SAMHD1: variants seen among roughly 807,000 people sequenced by gnomAD.
SAMHD1 encodes deoxynucleoside triphosphate triphosphohydrolase SAMHD1.
Under a neutral mutation model 79.6 loss-of-function variants are expected in SAMHD1, and 54 were observed. That is an observed-to-expected ratio of 0.68 (90% CI 0.55 to 0.85). The LOEUF is 0.85. Among genes scored for constraint, SAMHD1 ranks in the 40% least tolerant of loss-of-function variants. SAMHD1 has a pLI of 0.00. For synonymous variants in SAMHD1, 260 were observed against 264.1 expected (o/e 0.98, Z 0.15); for missense variants, 663 against 782.7 (o/e 0.85, Z 1.82).
intron 11 of SAMHD1, among the ~76,000 whole-genome samples, chr20:36,905,772 A>G (rs944967630): frequency 6.6e-6 from 1 of 152,102 alleles, no homozygotes; most frequent in Non-Finnish European, 1.5e-5. Context: ...GGAGTTCAAG[A>G]CCAGCCTGTC....
At chr20:36,905,585 A>G in intron 11 of SAMHD1, 82 bp from the exon 12 acceptor site, 1 of 1,228,884 alleles carries the variant, frequency 8.1e-7, no homozygotes, top group South Asian at 1.2e-5. Context: ...TATTGAAATG[A>G]TCTTAACAGG....
rs1881907051 is a variant in SAMHD1 at position 36,891,187 on chromosome 20, CTT to C, written c.*1743_*1744del. On this transcript the variant is annotated 3_prime_UTR_variant, in exon 16 of 16. Transcript: ENST00000646673. ...AGAGGAGAAGTGTTTTAACTATTCT[CTT>C]ATGAATTGTAACCAACCCTTATTAT... 1 of 152,244 alleles carries C rather than the reference CTT, an allele frequency of 6.6e-6. No individual in the cohort carries two copies. Among genetic ancestry groups the C allele is most frequent in the Admixed American group, 6.5e-5 (1 of 15,276 alleles). The allele number at this position is 152,244 out of a possible 1,614,324, so 9.4% of individuals were successfully genotyped here. A position where few individuals can be genotyped will look rare whatever the true frequency, so the allele number is the denominator to read the frequency against.
chr20:36,900,038 G>A (rs1011942463), intron 13 of SAMHD1, among the ~76,000 whole-genome samples: 11 of 149,656 alleles, frequency 7.4e-5, no homozygotes, highest in African/African-American at 2.7e-4. Context: ...AGGTTGCAGT[G>A]AGCCGAGATC....
At chr20:36,930,973 C>T (rs1227318407) in intron 4 of SAMHD1, 98 bp from the exon 5 acceptor site, 1 of 824,360 alleles carries the variant, frequency 1.2e-6, no homozygotes, top group Non-Finnish European at 2.1e-6. Context: ...AACATTCTAA[C>T]ATACCTTTAG....
chr20:36,893,822 C>T (rs1990140107), intron 15 of SAMHD1: 2 of 398,388 alleles, frequency 5.0e-6, no homozygotes, highest in Non-Finnish European at 4.4e-6. Flanking sequence ...TTCACTCTTC[C>T]TCTCCCTACT....
chr20:36,900,866 C>A (rs775573972), intron 13 of SAMHD1, among the ~76,000 whole-genome samples: 6 of 152,058 alleles, frequency 3.9e-5, no homozygotes, highest in Non-Finnish European at 8.8e-5. Context: ...GCCACCGTGC[C>A]CGGCCTATTA....
chr20:36,916,465 CA>C (rs561309922), intron 9 of SAMHD1: 33,238 of 293,290 alleles, frequency 0.11, 6 homozygotes, highest in South Asian at 0.2. Flanking sequence ...GATCCTATTT[CA>C]AAAAAAAAAA....
chr20:36,938,323 C>T (rs1201017481), intron 3 of SAMHD1, among the ~76,000 whole-genome samples: 1 of 151,850 alleles, frequency 6.6e-6, no homozygotes, highest in Admixed American at 6.6e-5. Flanking sequence ...AGGCAGATCA[C>T]GAGGTCAGGA....
chr20:36,908,032 G>A (rs1216514771), intron 11 of SAMHD1, among the ~76,000 whole-genome samples: 3 of 151,734 alleles, frequency 2.0e-5, no homozygotes, highest in African/African-American at 4.8e-5. Flanking sequence ...CCGCCAGCAC[G>A]CCCAGCTAAT....
intron 5 of SAMHD1, among the ~76,000 whole-genome samples, chr20:36,928,104 G>C (rs1470073425): frequency 3.9e-5 from 6 of 152,158 alleles, no homozygotes; most frequent in Admixed American, 3.9e-4. Context: ...AAATCCACTA[G>C]GGCCAGGTGT....
chr20:36,946,272 G>A (rs1470986340), intron 2 of SAMHD1: 1 of 157,890 alleles, frequency 6.3e-6, no homozygotes, highest in Non-Finnish European at 1.4e-5. Context: ...AAGTAGCCAG[G>A]CGTGGTGGCA....
intron 1 of SAMHD1, 124 bp downstream of exon 1, chr20:36,951,312 G>T: frequency 7.2e-7 from 1 of 1,379,364 alleles, no homozygotes; most frequent in Non-Finnish European, 9.9e-7. Flanking sequence ...CGCCCTCCCG[G>T]GTGCCTCCCG....
At chr20:36,924,020 G>C (rs192290110) in intron 6 of SAMHD1, among the ~76,000 whole-genome samples, 1 of 152,074 alleles carries the variant, frequency 6.6e-6, no homozygotes, top group East Asian at 1.9e-4. Flanking sequence ...GAGGCCAAGC[G>C]GGGCAGATAG....
chr20:36,894,663 A>C (rs1055570346), intron 15 of SAMHD1, among the ~76,000 whole-genome samples: 1 of 151,318 alleles, frequency 6.6e-6, no homozygotes, highest in African/African-American at 2.4e-5. Context: ...GCTACTCAGG[A>C]GGCGGAGGCA....
chr20:36,918,662 C>T (rs762433720), intron 7 of SAMHD1, among the ~76,000 whole-genome samples: 6 of 151,396 alleles, frequency 4.0e-5, no homozygotes, highest in East Asian at 1.9e-4. Context: ...ATTTGCCGGG[C>T]GTGGTGGCAC....
intron 9 of SAMHD1, among the ~76,000 whole-genome samples, chr20:36,915,963 T>G (rs1050599840): frequency 6.6e-6 from 1 of 151,886 alleles, no homozygotes; most frequent in African/African-American, 2.4e-5. Context: ...ATTGAGACCA[T>G]CCTGGCTAAC....
intron 3 of SAMHD1, among the ~76,000 whole-genome samples, chr20:36,937,013 C>T (rs911468097): frequency 4.6e-4 from 70 of 151,908 alleles, no homozygotes; most frequent in African/African-American, 1.5e-3. Context: ...TGGTGGTGGG[C>T]GTCTGTTATC....
chr20:36,945,195 C>G (rs2063677651), intron 2 of SAMHD1, among the ~76,000 whole-genome samples: 1 of 152,082 alleles, frequency 6.6e-6, no homozygotes, highest in African/African-American at 2.4e-5. Flanking sequence ...ATGCACAGTA[C>G]CCGGCTAATT....
At chr20:36,928,190 C>A (rs2063547559) in intron 5 of SAMHD1, among the ~76,000 whole-genome samples, 1 of 147,144 alleles carries the variant, frequency 6.8e-6, no homozygotes. Flanking sequence ...AGTTCGAGAC[C>A]AGCCCGGCCA....
Sources: allele counts gnomAD v4.1 joint callset (sites outside exome capture counted in the v4.1 genomes callset), GRCh38; gene constraint gnomAD v4.1.1; transcripts MANE v1.5; gene names NCBI Gene and HGNC (gene_info 2026-07-23, HGNC 2026-07-21).